The following DEK variants were observed in gnomAD, a reference collection of about 807,000 sequenced individuals.
DEK encodes the protein DEK proto-oncogene, also known as protein DEK.
Under a neutral mutation model 46.8 loss-of-function variants are expected in DEK, and 28 were observed. The observed-to-expected ratio is 0.60, with a 90% CI of 0.44 to 0.82. The LOEUF (loss-of-function observed/expected upper bound fraction) is 0.82. Among genes scored for constraint, DEK ranks in the 40% least tolerant of loss-of-function variants. The probability of loss-of-function intolerance (pLI) is 0.00; values close to 1 mark genes in which losing one functional copy is unlikely to be tolerated. For synonymous variants in DEK, 160 were observed against 144.5 expected, an observed-to-expected ratio of 1.11 and a Z score of -0.77; for missense variants, 416 against 430.6, an observed-to-expected ratio of 0.97 and a Z score of 0.30.
chr6:18,230,296 G>A (rs1159005568), intron 9 of DEK, among the ~76,000 whole-genome samples: 9 of 152,078 alleles, frequency 5.9e-5, no homozygotes, highest in Admixed American at 1.3e-4. Flanking sequence ...AAAGACCATC[G>A]ATGCTAGGAA....
chr6:18,264,486 G>A lies in DEK; in HGVS notation c.-111C>T, dbSNP rs948503336. The A allele has an allele frequency of 1.1e-5, 3 of 265,988 alleles. No homozygotes were observed. The highest frequency in any genetic ancestry group is 3.6e-5 in the South Asian group (1 of 27,494). 16.5% of individuals were successfully genotyped at this position (265,988 alleles called of 1,614,324 possible). A position where few individuals can be genotyped will look rare whatever the true frequency, so the allele number is the denominator to read the frequency against. On this transcript the variant is annotated 5_prime_UTR_variant, in exon 1 of 11. Coordinates refer to ENST00000652689, the MANE Select transcript of DEK (RefSeq NM_003472.4). ...GGAGAAGGCGCGCGGGCCGCTGTCT[G>A]GCGTGACGCTCGCGCCGCGCGCTCG... is the stretch of plus-strand genomic sequence containing the variant.
chr6:18,235,904 TG>T (rs1790628132), intron 9 of DEK, among the ~76,000 whole-genome samples: 1 of 152,238 alleles, frequency 6.6e-6, no homozygotes, highest in Admixed American at 6.5e-5. Context: ...ATTTCACTTT[TG>T]GTACATTCCA....
intron 6 of DEK, among the ~76,000 whole-genome samples, chr6:18,251,159 G>A (rs1791359251): frequency 6.6e-6 from 1 of 152,172 alleles, no homozygotes; most frequent in Non-Finnish European, 1.5e-5. Context: ...GCGCATTACA[G>A]AATTAATATT....
At chr6:18,233,412 G>A (rs1472318729) in intron 9 of DEK, among the ~76,000 whole-genome samples, 1 of 152,122 alleles carries the variant, frequency 6.6e-6, no homozygotes, top group Non-Finnish European at 1.5e-5. Flanking sequence ...GAGTGAACAG[G>A]CAACCTACAG....
chr6:18,232,150 G>A (rs1001036340), intron 9 of DEK, among the ~76,000 whole-genome samples: 7 of 152,110 alleles, frequency 4.6e-5, no homozygotes, highest in African/African-American at 9.7e-5. Context: ...AAAGGCCTTC[G>A]ACAAAATTCA....
At chr6:18,257,271 T>G (rs1019595209) in intron 4 of DEK, among the ~76,000 whole-genome samples, 1 of 152,170 alleles carries the variant, frequency 6.6e-6, no homozygotes, top group African/African-American at 2.4e-5. Flanking sequence ...CTCATACAAA[T>G]CATACCGACA....
chr6:18,237,166 T>TGG, intron 8 of DEK: 2 of 421,618 alleles, frequency 4.7e-6, no homozygotes, highest in East Asian at 3.9e-5. Context: ...CCAAGATATC[T>TGG]CTCTCTCTGT....
intron 7 of DEK, among the ~76,000 whole-genome samples, chr6:18,243,723 A>T (rs953865992): frequency 6.6e-6 from 1 of 152,238 alleles, no homozygotes; most frequent in African/African-American, 2.4e-5. Context: ...TGCTTGGAAA[A>T]TATCTTCTGT....
chr6:18,243,591 T>A (rs1790991299), intron 7 of DEK, among the ~76,000 whole-genome samples: 1 of 152,176 alleles, frequency 6.6e-6, no homozygotes, highest in South Asian at 2.1e-4. Context: ...ACAACTTTCC[T>A]CTCCATTCCC....
intron 10 of DEK, 156 bp from the exon 11 acceptor site, chr6:18,225,886 C>T (rs950400469): frequency 1.1e-5 from 10 of 879,430 alleles, no homozygotes; most frequent in Non-Finnish European, 1.4e-5. Flanking sequence ...GCCTCGTAGA[C>T]AGGAACTTCC....
intron 9 of DEK, among the ~76,000 whole-genome samples, chr6:18,229,692 GAAAC>G (rs540027672): frequency 1.4e-4 from 22 of 152,272 alleles, no homozygotes; most frequent in Non-Finnish European, 2.2e-4. Flanking sequence ...AGAGTAAAAA[GAAAC>G]AAACAAAGCC....
At chr6:18,256,264 G>C in intron 5 of DEK, 97 bp downstream of exon 5, 1 of 1,063,048 alleles carries the variant, frequency 9.4e-7, no homozygotes. Context: ...TGGGATTACA[G>C]GTGTGAGCCA....
At chr6:18,243,204 A>C (rs1790973215) in intron 7 of DEK, among the ~76,000 whole-genome samples, 1 of 152,206 alleles carries the variant, frequency 6.6e-6, no homozygotes, top group Non-Finnish European at 1.5e-5. Context: ...TGGAGTCAAG[A>C]CTAAATGAGA....
chr6:18,230,303 G>C (rs1409933857), intron 9 of DEK, among the ~76,000 whole-genome samples: 1 of 152,088 alleles, frequency 6.6e-6, no homozygotes, highest in Admixed American at 6.6e-5. Context: ...ATCGATGCTA[G>C]GAAGAAACTG....
At chr6:18,238,089 G>A (rs1480835325) in intron 7 of DEK, among the ~76,000 whole-genome samples, 2 of 151,650 alleles carry the variant, frequency 1.3e-5, no homozygotes, top group African/African-American at 4.8e-5. Context: ...GGCTGGTCTT[G>A]AACTCCTGAC....
intron 9 of DEK, among the ~76,000 whole-genome samples, chr6:18,233,152 A>G (rs1790484855): frequency 6.6e-6 from 1 of 152,242 alleles, no homozygotes; most frequent in Admixed American, 6.5e-5. Flanking sequence ...AGCCATATGT[A>G]GAAAGCTGAA....
intron 9 of DEK, among the ~76,000 whole-genome samples, chr6:18,228,931 A>G (rs1443311165): frequency 6.6e-6 from 1 of 151,816 alleles, no homozygotes; most frequent in Non-Finnish European, 1.5e-5. Flanking sequence ...GCCTCTGTAG[A>G]CTCCACCTCT....
intron 9 of DEK, among the ~76,000 whole-genome samples, chr6:18,228,372 A>G (rs1790229089): frequency 6.6e-6 from 1 of 151,930 alleles, no homozygotes; most frequent in South Asian, 2.1e-4. Context: ...CATTTAAATT[A>G]CTCTAATTGT....
At position 18,226,234 on chromosome 6, in the gene DEK, T is replaced by C. The variant is rs1226923909; in HGVS notation, c.1056A>G (p.Glu352=). 1 of 1,353,814 alleles carries C rather than the reference T, an allele frequency of 7.4e-7. No individual in the cohort carries two copies. Among genetic ancestry groups the C allele is most frequent in the Non-Finnish European group, 9.9e-7 (1 of 1,013,506 alleles). 83.9% of individuals were successfully genotyped at this position (1,353,814 alleles called of 1,614,324 possible). The change falls in exon 10 of 11, where the codon GAA becomes GAG. Residue 352 remains glutamate, a synonymous_variant. Coordinates refer to ENST00000652689, the MANE Select transcript of DEK (RefSeq NM_003472.4). ...TMKQICKKVY[E]NYPTYDLTER... is the part of the protein sequence containing the mutation. ...CAGTTAAATCATAAGTAGGATAATTTTCATAGACCTATGTATAGTGAAAAG... is the reference window on the plus strand; with the variant it reads ...CAGTTAAATCATAAGTAGGATAATTCTCATAGACCTATGTATAGTGAAAAG...
Sources: allele counts gnomAD v4.1 joint callset (sites outside exome capture counted in the v4.1 genomes callset), GRCh38; gene constraint gnomAD v4.1.1; transcripts MANE v1.5; gene names NCBI Gene and HGNC (gene_info 2026-07-23, HGNC 2026-07-21).